SDK1: variants seen among roughly 807,000 people sequenced by gnomAD.
SDK1 encodes the protein sidekick cell adhesion molecule 1.
Under a neutral mutation model 245.5 loss-of-function variants are expected in SDK1, and 157 were observed. That is an observed-to-expected ratio of 0.64 (90% CI 0.56 to 0.73). The LOEUF is 0.73. Ranked by LOEUF, SDK1 falls within the 30% of genes least tolerant of loss-of-function variation. SDK1 has a pLI of 0.00. For synonymous variants in SDK1, 1,647 were observed against 1,278.5 expected (o/e 1.29, Z -6.15); for missense variants, 3,583 against 3,002.3 (o/e 1.19, Z -4.52).
chr7:4,235,111 G>C (rs1786071259), intron 41 of SDK1, among the ~76,000 whole-genome samples: 7 of 152,186 alleles, frequency 4.6e-5, no homozygotes, highest in Admixed American at 4.6e-4. Context: ...GAACATCCTT[G>C]AATTCCGGGG....
At chr7:4,246,728 A>G (rs1786887317) in intron 44 of SDK1, among the ~76,000 whole-genome samples, 1 of 152,036 alleles carries the variant, frequency 6.6e-6, no homozygotes, top group Admixed American at 6.5e-5. Flanking sequence ...CTCCTCACCA[A>G]GCAGCTGGAC....
Position 3,821,588 on chromosome 7 carries a change from GT to G in SDK1, c.847+9del, listed in dbSNP as rs1247711132. On this transcript the variant is annotated splice_donor_region_variant and intron_variant, in intron 5 of 44. Coordinates refer to ENST00000404826, the MANE Select transcript of SDK1 (RefSeq NM_152744.4). ...TCATTCATTTGAGCATAGCAAGTGA[GT>G]TTTGAAATCCCAAATGGTAATTCTG... 6.2e-7 allele frequency: 1 copy of G among 1,611,034 alleles called. No homozygotes were observed. Among genetic ancestry groups the G allele is most frequent in the Non-Finnish European group, 8.5e-7 (1 of 1,178,924 alleles).
At chr7:3,611,912 C>A (rs940494872) in intron 1 of SDK1, among the ~76,000 whole-genome samples, 8 of 152,126 alleles carry the variant, frequency 5.3e-5, no homozygotes, top group African/African-American at 1.9e-4. Context: ...GAATACTATT[C>A]AGCTCTGAAA....
chr7:3,515,890 T>A (rs1782730885), intron 1 of SDK1, among the ~76,000 whole-genome samples: 1 of 152,198 alleles, frequency 6.6e-6, no homozygotes, highest in Non-Finnish European at 1.5e-5. Flanking sequence ...AAAAATATTC[T>A]TCACTATGTG....
intron 10 of SDK1, among the ~76,000 whole-genome samples, chr7:3,968,452 C>T (rs1265909345): frequency 6.6e-5 from 10 of 152,224 alleles, no homozygotes; most frequent in Non-Finnish European, 1.3e-4. Flanking sequence ...CACCTGGCAG[C>T]TTCTCGACTC....
chr7:3,467,050 TAGAA>T (rs1436135278), intron 1 of SDK1, among the ~76,000 whole-genome samples: 4 of 140,466 alleles, frequency 2.8e-5, no homozygotes, highest in East Asian at 2.1e-4. Context: ...AACATACACA[TAGAA>T]AGACTTTAAG....
intron 1 of SDK1, among the ~76,000 whole-genome samples, chr7:3,410,936 A>C (rs1779183993): frequency 6.6e-6 from 1 of 152,148 alleles, no homozygotes; most frequent in African/African-American, 2.4e-5. Flanking sequence ...TTGTGGAAAT[A>C]AACACCTCAA....
intron 4 of SDK1, among the ~76,000 whole-genome samples, chr7:3,799,145 C>G (rs2115032897): frequency 6.6e-6 from 1 of 152,266 alleles, no homozygotes. Flanking sequence ...TTTAAAAAAT[C>G]TTGGGCCTTT....
At chr7:3,311,183 G>C (rs1215477009) in intron 1 of SDK1, among the ~76,000 whole-genome samples, 1 of 152,142 alleles carries the variant, frequency 6.6e-6, no homozygotes, top group Admixed American at 6.5e-5. Context: ...CAGGGCGATG[G>C]GCCTGGGGGG....
At chr7:4,198,523 C>G (rs967564314) in intron 35 of SDK1, among the ~76,000 whole-genome samples, 1 of 152,244 alleles carries the variant, frequency 6.6e-6, no homozygotes, top group Non-Finnish European at 1.5e-5. Context: ...AGCCCATTAC[C>G]TGTTCTTGTA....
Position 3,850,895 on chromosome 7 carries a change from T to G in SDK1, c.847+29312T>G, listed in dbSNP as rs567429940. On this transcript the variant is annotated intron_variant, in intron 5 of 44. Transcript: ENST00000404826. ...AGGGGGGAGGGAAAGAATTAAGAGA[T>G]ATACCTAATGTAAATGACGACTTAA... Among the ~76,000 whole-genome samples, 4 of 151,884 alleles carry G rather than the reference T, an allele frequency of 2.6e-5. No homozygotes were observed. The Middle Eastern group carries it at 0.01, about 387-fold the overall frequency.
intron 41 of SDK1, among the ~76,000 whole-genome samples, chr7:4,233,748 T>A (rs1468448801): frequency 2.0e-5 from 3 of 152,128 alleles, no homozygotes; most frequent in African/African-American, 7.2e-5. Flanking sequence ...AGTGCCAGTC[T>A]CCGGGTGCCT....
intron 16 of SDK1, among the ~76,000 whole-genome samples, chr7:4,013,481 G>A (rs1278128419): frequency 1.3e-5 from 2 of 152,176 alleles, no homozygotes; most frequent in Non-Finnish European, 2.9e-5. Flanking sequence ...AGTAAACAGT[G>A]GCTAACAAAG....
intron 1 of SDK1, among the ~76,000 whole-genome samples, chr7:3,449,072 C>G (rs961727809): frequency 7.9e-5 from 12 of 152,160 alleles, no homozygotes; most frequent in African/African-American, 2.7e-4. Context: ...TTTATGGAAT[C>G]TAAGAAGGAA....
At chr7:3,928,631 G>GT (rs1779861353) in intron 5 of SDK1, among the ~76,000 whole-genome samples, 1 of 145,618 alleles carries the variant, frequency 6.9e-6, no homozygotes. Context: ...GTTTTTTTTT[G>GT]GGGGGGGTGG....
At chr7:3,856,797 A>G (rs563953654) in intron 5 of SDK1, among the ~76,000 whole-genome samples, 1 of 152,312 alleles carries the variant, frequency 6.6e-6, no homozygotes, top group East Asian at 1.9e-4. Flanking sequence ...ACCTCGAAAA[A>G]CAGCTATGTT....
chr7:3,690,742 G>A (rs1214052932), intron 4 of SDK1, among the ~76,000 whole-genome samples: 1 of 152,098 alleles, frequency 6.6e-6, no homozygotes, highest in East Asian at 1.9e-4. Flanking sequence ...TTTTCAAGTT[G>A]ATTATAACTC....
chr7:3,790,472 G>A (rs565278932), intron 4 of SDK1, among the ~76,000 whole-genome samples: 1 of 152,222 alleles, frequency 6.6e-6, no homozygotes, highest in East Asian at 1.9e-4. Flanking sequence ...AATCAGAAGC[G>A]AATGGCCCAC....
rs1583151565 is a variant in SDK1, at chr7:3,547,476, T to C, written c.299-71604T>C. Among the ~76,000 whole-genome samples the C allele has an allele frequency of 2.0e-5, 3 of 152,248 alleles. No individual in the cohort carries two copies. The South Asian group carries it at 6.2e-4, about 31-fold the overall frequency. On this transcript the variant is annotated intron_variant, in intron 1 of 44. Coordinates refer to ENST00000404826, the MANE Select transcript of SDK1 (RefSeq NM_152744.4). Reference sequence around the variant, plus strand: ...GTTATGATTAATAAACACGTTGTTATACTTCAATTGTAATAGCATTTTATT... The same window carrying C: ...GTTATGATTAATAAACACGTTGTTACACTTCAATTGTAATAGCATTTTATT...
Sources: gnomAD v4.1 joint callset for allele counts (sites outside exome capture counted in the v4.1 genomes callset) on GRCh38, gnomAD v4.1.1 for gene constraint, MANE v1.5 for transcripts, NCBI Gene and HGNC (gene_info 2026-07-23, HGNC 2026-07-21) for gene names.